TULP4: variants seen among roughly 807,000 people sequenced by gnomAD.
The protein encoded by TULP4 is tubby-related protein 4.
Under a neutral mutation model 129.0 loss-of-function variants are expected in TULP4, and 16 were observed. The ratio of observed to expected loss-of-function variants is 0.12; its 90% confidence interval spans 0.08 to 0.19. The LOEUF (loss-of-function observed/expected upper bound fraction) is 0.19. Ranked by LOEUF, TULP4 falls within the 10% of genes least tolerant of loss-of-function variation. The pLI, the probability that TULP4 is intolerant of heterozygous loss-of-function variation, is 1.00. For missense variants in TULP4, 1,842 were observed against 2,059.1 expected (o/e 0.89, Z 2.04); for synonymous variants, 998 against 854.0 (o/e 1.17, Z -2.94).
chr6:158,339,502 G>A (rs1562526287), intron 1 of TULP4, among the ~76,000 whole-genome samples: 1 of 152,122 alleles, frequency 6.6e-6, no homozygotes, highest in Non-Finnish European at 1.5e-5. Flanking sequence ...AGGAGACTAG[G>A]ATGTGCTTCA....
At chr6:158,358,711 G>A (rs887192398) in intron 1 of TULP4, among the ~76,000 whole-genome samples, 6 of 152,210 alleles carry the variant, frequency 3.9e-5, no homozygotes, top group African/African-American at 1.4e-4. Context: ...AGGCAGTAAT[G>A]TACAAATCAT....
intron 11 of TULP4, among the ~76,000 whole-genome samples, chr6:158,496,142 G>A (rs1780333372): frequency 6.6e-6 from 1 of 152,184 alleles, no homozygotes; most frequent in African/African-American, 2.4e-5. Context: ...GTGAGTTGAG[G>A]AGCTGTGTTG....
rs990663607 is a variant in TULP4 at position 158,290,171 on chromosome 6, A to G, written n.116+7793A>G. ...GGCTGATCTCGATCTCCTGGGCTCA[A>G]GCATCCACATCAGCATTTGTTATTT... On this transcript the variant is annotated intron_variant and non_coding_transcript_variant, in intron 1 of 1. Coordinates refer to the TULP4 transcript ENST00000432358. Among the ~76,000 whole-genome samples, 4 of 152,218 alleles carry G rather than the reference A, an allele frequency of 2.6e-5. No individual in the cohort carries two copies. In the South Asian group the frequency reaches 8.3e-4, roughly 32 times the overall value.
intron 1 of TULP4, among the ~76,000 whole-genome samples, chr6:158,394,579 C>T (rs983109537): frequency 2.0e-5 from 3 of 151,548 alleles, no homozygotes; most frequent in Non-Finnish European, 2.9e-5. Context: ...GTCAGGAGAT[C>T]GAGACCATCC....
At chr6:158,327,459 G>A (rs1329017317) in intron 1 of TULP4, among the ~76,000 whole-genome samples, 1 of 152,140 alleles carries the variant, frequency 6.6e-6, no homozygotes, top group Non-Finnish European at 1.5e-5. Context: ...TAACCTCTTA[G>A]AATAACTTCC....
chr6:158,473,555 G>A lies in TULP4; in HGVS notation c.1027-6196G>A, dbSNP rs1165819327. On this transcript the variant is annotated intron_variant, in intron 6 of 13. Coordinates refer to ENST00000367097, the MANE Select transcript of TULP4 (RefSeq NM_020245.5). ...TGTTTTTAGACAGAGTTTTGCTCTC[G>A]TTGCTTAGGCTGGTGTGCAATGGCG... Among the ~76,000 whole-genome samples, 7 of 152,288 alleles carry A rather than the reference G, an allele frequency of 4.6e-5. No individual in the cohort carries two copies. The South Asian group carries it at 8.3e-4, about 18-fold the overall frequency.
At chr6:158,271,274 A>G (rs1778541190) in intron 1 of TULP4, among the ~76,000 whole-genome samples, 1 of 152,098 alleles carries the variant, frequency 6.6e-6, no homozygotes, top group African/African-American at 2.4e-5. Flanking sequence ...TAATGAAGAA[A>G]GCATTTAAAG....
chr6:158,379,542 G>A (rs1317216961), intron 1 of TULP4, among the ~76,000 whole-genome samples: 1 of 152,210 alleles, frequency 6.6e-6, no homozygotes, highest in African/African-American at 2.4e-5. Flanking sequence ...TGTGGCTCAG[G>A]GAGTGGGAGC....
intron 4 of TULP4, among the ~76,000 whole-genome samples, chr6:158,449,566 C>G (rs1270622270): frequency 1.3e-5 from 2 of 151,894 alleles, no homozygotes; most frequent in Non-Finnish European, 2.9e-5. Context: ...ATATCCAAAT[C>G]CCCAATGTTA....
intron 1 of TULP4, among the ~76,000 whole-genome samples, chr6:158,265,993 A>AT: frequency 6.6e-6 from 1 of 152,152 alleles, no homozygotes; most frequent in East Asian, 1.9e-4. Flanking sequence ...ATATTTTGCT[A>AT]TTTTTGTGTG....
intron 1 of TULP4, among the ~76,000 whole-genome samples, chr6:158,324,518 C>G (rs1263777561): frequency 6.6e-6 from 1 of 152,198 alleles, no homozygotes; most frequent in East Asian, 1.9e-4. Context: ...CTAGGCTAGA[C>G]TCTGTTGGGC....
chr6:158,237,492 A>G (rs879195534), intron 1 of TULP4: 3 of 1,540,156 alleles, frequency 1.9e-6, no homozygotes, highest in African/African-American at 1.4e-5. Flanking sequence ...TGGGTGGGCT[A>G]CTCACAGTTT....
Position 158,293,666 on chromosome 6 carries a change from A to T in TULP4, n.116+11288A>T, listed in dbSNP as rs1778980995. 3.9e-5 allele frequency among the ~76,000 whole-genome samples: 6 copies of T among 152,218 alleles called. No individual in the cohort carries two copies. The South Asian group carries it at 1.2e-3, about 32-fold the overall frequency. ...GAATTCTATAGACTCCACCTCTGTA[A>T]GTTACAATGCAAGTCAATGGGAAAA... On this transcript the variant is annotated intron_variant and non_coding_transcript_variant, in intron 1 of 1. Transcript: ENST00000432358.
intron 1 of TULP4, among the ~76,000 whole-genome samples, chr6:158,307,179 A>G (rs1329897115): frequency 6.6e-6 from 1 of 152,190 alleles, no homozygotes; most frequent in East Asian, 1.9e-4. Flanking sequence ...AGCAATATCT[A>G]ATGTCTGGCT....
chr6:158,241,528 CGGTTAGG>C (rs1332334364), intron 1 of TULP4, among the ~76,000 whole-genome samples: 1 of 151,988 alleles, frequency 6.6e-6, no homozygotes, highest in Non-Finnish European at 1.5e-5. Flanking sequence ...GGATCACTCG[CGGTTAGG>C]GGCTGGAGAC....
In TULP4 at chr6:158,313,737, C is replaced by T; in HGVS notation, c.-280C>T. 2.0e-6 allele frequency: 1 copy of T among 507,444 alleles called. No individual in the cohort carries two copies. The highest frequency in any genetic ancestry group is 1.9e-5 in the African/African-American group (1 of 51,552). 31.4% of individuals were successfully genotyped at this position (507,444 alleles called of 1,614,324 possible). A position where few individuals can be genotyped will look rare whatever the true frequency, so the allele number is the denominator to read the frequency against. On this transcript the variant is annotated 5_prime_UTR_variant, in exon 1 of 14. Coordinates refer to ENST00000367097, the MANE Select transcript of TULP4 (RefSeq NM_020245.5). ...TTCTCCAAAGGATCAGCACGTTCTTCCTCTGAGAACTTGAAAATACAAATG... is the reference window on the plus strand; with the variant it reads ...TTCTCCAAAGGATCAGCACGTTCTTTCTCTGAGAACTTGAAAATACAAATG...
chr6:158,488,262 C>A (rs563850668), intron 8 of TULP4, among the ~76,000 whole-genome samples: 16 of 152,164 alleles, frequency 1.1e-4, no homozygotes, highest in Non-Finnish European at 1.8e-4. Flanking sequence ...ATTCTGTAGG[C>A]TTGCATGCAT....
intron 3 of TULP4, among the ~76,000 whole-genome samples, chr6:158,443,848 A>G (rs1287379126): frequency 1.3e-5 from 2 of 152,096 alleles, no homozygotes; most frequent in African/African-American, 4.8e-5. Flanking sequence ...GTGACTGTTT[A>G]TTTAGTTGCA....
At chr6:158,401,143 G>A (rs1417706176) in intron 1 of TULP4, among the ~76,000 whole-genome samples, 1 of 151,790 alleles carries the variant, frequency 6.6e-6, no homozygotes, top group African/African-American at 2.4e-5. Flanking sequence ...GCATGATCAC[G>A]GCTCACTGCA....
Sources: gnomAD v4.1 joint callset for allele counts (sites outside exome capture counted in the v4.1 genomes callset) on GRCh38, gnomAD v4.1.1 for gene constraint, MANE v1.5 for transcripts, NCBI Gene and HGNC (gene_info 2026-07-23, HGNC 2026-07-21) for gene names.